CLASP1: variants seen among roughly 807,000 people sequenced by gnomAD.
The protein encoded by CLASP1 is cytoplasmic linker associated protein 1.
Under a neutral mutation model 192.3 loss-of-function variants are expected in CLASP1, and 38 were observed. The observed-to-expected ratio is 0.20, with a 90% confidence interval of 0.15 to 0.26. CLASP1 has a LOEUF of 0.26. CLASP1 is among the 10% of genes least tolerant of loss of function. The probability of loss-of-function intolerance (pLI) is 1.00; values close to 1 mark genes in which losing one functional copy is unlikely to be tolerated. For missense variants in CLASP1, 1,433 were observed against 1,932.5 expected (o/e 0.74, Z 4.85); for synonymous variants, 691 against 712.8 (o/e 0.97, Z 0.49).
At position 121,376,326 on chromosome 2, in the gene CLASP1, C is replaced by T. The variant is rs184716293; in HGVS notation, c.3642+1173G>A. On this transcript the variant is annotated intron_variant, in intron 34 of 39. Transcript: ENST00000263710. Reference sequence around the variant, plus strand: ...ATAAAGCAAATGTGACATATATACACAATGGAATACTATTCAGCCATAAAA... The same window carrying T: ...ATAAAGCAAATGTGACATATATACATAATGGAATACTATTCAGCCATAAAA... 4.9e-3 allele frequency among the ~76,000 whole-genome samples: 744 copies of T among 152,224 alleles called. 8 individuals are homozygous for T. Among genetic ancestry groups the T allele is most frequent in the African/African-American group, 0.017 (721 of 41,508 alleles).
intron 21 of CLASP1, among the ~76,000 whole-genome samples, chr2:121,426,602 A>G (rs910485680): frequency 6.6e-6 from 1 of 152,208 alleles, no homozygotes; most frequent in Admixed American, 6.5e-5. Flanking sequence ...ACCTTTCCAC[A>G]CATGAATATT....
At position 121,363,152 on chromosome 2, in the gene CLASP1, T is replaced by C. The variant is rs1445720004; in HGVS notation, c.4206+20A>G. 6.2e-7 allele frequency: 1 copy of C among 1,613,720 alleles called. No homozygotes were observed. The highest frequency in any genetic ancestry group is 1.3e-5 in the African/African-American group (1 of 74,906). Reference sequence around the variant, plus strand: ...TCATGACCCGTCTGTTCAGCACCCCTGGCCACATGACTGACTCACCTCCTT... The same window carrying C: ...TCATGACCCGTCTGTTCAGCACCCCCGGCCACATGACTGACTCACCTCCTT... On this transcript the variant is annotated intron_variant, in intron 37 of 39. Transcript: ENST00000263710.
rs1288628843 is a variant in CLASP1, at chr2:121,597,808, C to T, written c.195+7893G>A. Among the ~76,000 whole-genome samples the T allele has an allele frequency of 2.6e-5, 4 of 152,180 alleles. No individual in the cohort carries two copies. The East Asian group carries it at 5.8e-4, about 22-fold the overall frequency. Reference sequence around the variant, plus strand: ...GGTGTGGATGTGAGGCTGCATGTTACTGCACTGCTGCGCAGAATCAAAGCT... The same window carrying T: ...GGTGTGGATGTGAGGCTGCATGTTATTGCACTGCTGCGCAGAATCAAAGCT... On this transcript the variant is annotated intron_variant, in intron 2 of 39. Coordinates refer to ENST00000263710, the Ensembl canonical transcript of CLASP1.
At chr2:121,634,207 T>C (rs1429690166) in intron 1 of CLASP1, among the ~76,000 whole-genome samples, 1 of 152,192 alleles carries the variant, frequency 6.6e-6, no homozygotes, top group Non-Finnish European at 1.5e-5. Flanking sequence ...TTCTTAGGCA[T>C]GGAGCTCCTT....
chr2:121,507,867 G>A (rs2093991534), intron 7 of CLASP1, among the ~76,000 whole-genome samples: 1 of 152,002 alleles, frequency 6.6e-6, no homozygotes, highest in Non-Finnish European at 1.5e-5. Flanking sequence ...AGCAGGGTGG[G>A]AATAGATAAT....
intron 3 of CLASP1, 80 bp from the exon 4 acceptor site, chr2:121,528,860 G>T: frequency 9.3e-7 from 1 of 1,079,980 alleles, no homozygotes. Context: ...TCTCAATTAT[G>T]TGGGAAGACA....
At chr2:121,531,407 AAC>A (rs2094870767) in intron 2 of CLASP1, among the ~76,000 whole-genome samples, 1 of 151,888 alleles carries the variant, frequency 6.6e-6, no homozygotes, top group South Asian at 2.1e-4. Context: ...CATCCTGGCT[AAC>A]ACAGTGAAAC....
At chr2:121,467,280 G>A (rs964719406) in intron 9 of CLASP1, among the ~76,000 whole-genome samples, 5 of 152,192 alleles carry the variant, frequency 3.3e-5, no homozygotes, top group African/African-American at 1.2e-4. Flanking sequence ...ATGCATACAT[G>A]TATCTTTATA....
chr2:121,370,072 C>A (rs1011830356), intron 34 of CLASP1, among the ~76,000 whole-genome samples: 1 of 152,082 alleles, frequency 6.6e-6, no homozygotes, highest in Non-Finnish European at 1.5e-5. Flanking sequence ...TGTAATTGAC[C>A]GTAAGGATGG....
At chr2:121,482,817 A>C (rs2092693782) in intron 8 of CLASP1, among the ~76,000 whole-genome samples, 1 of 152,180 alleles carries the variant, frequency 6.6e-6, no homozygotes, top group Admixed American at 6.5e-5. Flanking sequence ...TCTTAGACTG[A>C]AAACCTGGCT....
chr2:121,461,494 C>T (rs1165818067), intron 10 of CLASP1, among the ~76,000 whole-genome samples: 2 of 152,098 alleles, frequency 1.3e-5, no homozygotes, highest in Non-Finnish European at 2.9e-5. Context: ...GCCAGTGATG[C>T]CTAAGTCATT....
At chr2:121,438,524 G>C (rs1351060697) in intron 19 of CLASP1, among the ~76,000 whole-genome samples, 1 of 152,178 alleles carries the variant, frequency 6.6e-6, no homozygotes, top group African/African-American at 2.4e-5. Context: ...TCAAGGTCTT[G>C]TGATCTGTGT....
At chr2:121,469,873 C>T (rs1438880039) in exon 9 of CLASP1, 5 of 1,613,784 alleles carry the variant, frequency 3.1e-6, no homozygotes, top group East Asian at 4.5e-5. Flanking sequence ...AACGTTTCTC[C>T]GAGAACTTGG....
At chr2:121,649,232 TC>T in intron 1 of CLASP1, 139 bp downstream of exon 1, 1 of 150,426 alleles carries the variant, frequency 6.6e-6, no homozygotes, top group Non-Finnish European at 1.5e-5. Flanking sequence ...GGCCGCCCCA[TC>T]CCCCCAAAGT....
At chr2:121,454,025 G>A (rs554808460) in intron 14 of CLASP1, among the ~76,000 whole-genome samples, 5 of 152,156 alleles carry the variant, frequency 3.3e-5, no homozygotes, top group Admixed American at 2.0e-4. Context: ...CAATCTGAGT[G>A]TGTGGTTCAG....
At chr2:121,533,597 A>G (rs748745671) in intron 2 of CLASP1, among the ~76,000 whole-genome samples, 4 of 152,154 alleles carry the variant, frequency 2.6e-5, no homozygotes, top group Non-Finnish European at 5.9e-5. Flanking sequence ...GGAATACACA[A>G]TTCTGTTTTA....
intron 33 of CLASP1, among the ~76,000 whole-genome samples, chr2:121,378,397 T>C (rs978350882): frequency 1.3e-5 from 2 of 152,216 alleles, no homozygotes; most frequent in African/African-American, 4.8e-5. Context: ...AAAAGTGTTA[T>C]TGACTGCTGT....
intron 19 of CLASP1, among the ~76,000 whole-genome samples, chr2:121,444,588 A>G (rs2083978048): frequency 6.6e-6 from 1 of 152,232 alleles, no homozygotes; most frequent in South Asian, 2.1e-4. Flanking sequence ...AAGCTAAGGT[A>G]GTGCTTCAGG....
chr2:121,591,524 C>T (rs1322897461), intron 2 of CLASP1, among the ~76,000 whole-genome samples: 1 of 152,174 alleles, frequency 6.6e-6, no homozygotes, highest in African/African-American at 2.4e-5. Context: ...GCTTCGATTG[C>T]CCTGCGAATC....
Sources: gnomAD v4.1 joint callset for allele counts (sites outside exome capture counted in the v4.1 genomes callset) on GRCh38, gnomAD v4.1.1 for gene constraint, MANE v1.5 for transcripts, NCBI Gene and HGNC (gene_info 2026-07-23, HGNC 2026-07-21) for gene names.